ADAMTS6: variants seen among roughly 807,000 people sequenced by gnomAD.
ADAMTS6 encodes the protein A disintegrin and metalloproteinase with thrombospondin motifs 6.
A neutral mutation model predicts 144.3 loss-of-function variants in ADAMTS6; 23 were observed. That is an observed-to-expected ratio of 0.16 (90% CI 0.11 to 0.23). The LOEUF (loss-of-function observed/expected upper bound fraction) is 0.23. Among genes scored for constraint, ADAMTS6 ranks in the 10% least tolerant of loss-of-function variants. ADAMTS6 has a pLI of 1.00. For missense variants in ADAMTS6, 999 were observed against 1,379.6 expected (o/e 0.72, Z 4.37); for synonymous variants, 444 against 457.5 (o/e 0.97, Z 0.38).
Position 65,381,465 on chromosome 5 carries a change from C to T in ADAMTS6, c.1074-47380G>A, listed in dbSNP as rs375022513. On this transcript the variant is annotated intron_variant, in intron 7 of 24. Transcript: ENST00000381055. ...GCAACCTCCACCTCTTGGGTTCAAGCGATTCTCCTGTCTCAGCCTCCAGAG... is the reference window on the plus strand; with the variant it reads ...GCAACCTCCACCTCTTGGGTTCAAGTGATTCTCCTGTCTCAGCCTCCAGAG... 1.1e-4 allele frequency among the ~76,000 whole-genome samples: 16 copies of T among 149,302 alleles called. 1 individual carries two copies. The East Asian group carries it at 1.2e-3, about 11-fold the overall frequency.
intron 10 of ADAMTS6, among the ~76,000 whole-genome samples, chr5:65,298,787 A>C (rs1743097506): frequency 6.6e-6 from 1 of 152,034 alleles, no homozygotes. Context: ...TTATCTTTTG[A>C]TTTGTTTTTT....
At position 65,473,594 on chromosome 5, in the gene ADAMTS6, A is replaced by G. The variant is rs1561576863; in HGVS notation, c.80T>C (p.Leu27Pro). 2 of 1,613,648 alleles carry G rather than the reference A, an allele frequency of 1.2e-6. No homozygotes were observed. Among genetic ancestry groups the G allele is most frequent in the Non-Finnish European group, 1.7e-6 (2 of 1,179,600 alleles). ...AATCCTACCTTGAGAACTGTATGAA[A>G]GCCTGTGGTCACTATGAAATTCCGA... is the stretch of plus-strand genomic sequence containing the variant. Reference protein sequence around the residue: ...ASSEFHSDHRLSYSSQEEFLT... With the variant: ...ASSEFHSDHRPSYSSQEEFLT... Residue 27 changes from leucine to proline, a missense_variant, in exon 2 of 25, where the codon CTT becomes CCT. Coordinates refer to ENST00000381055, the MANE Select transcript of ADAMTS6 (RefSeq NM_197941.4).
chr5:65,381,332 C>A lies in ADAMTS6; in HGVS notation c.1074-47247G>T, dbSNP rs754632138. Among the ~76,000 whole-genome samples, 54 of 150,716 alleles carry A rather than the reference C, an allele frequency of 3.6e-4. No homozygotes were observed. The Middle Eastern group carries it at 0.014, about 39-fold the overall frequency. On this transcript the variant is annotated intron_variant, in intron 7 of 24. Transcript: ENST00000381055. The stretch of plus-strand genomic sequence containing the variant: ...AATTTGGCTATAAGCTTCTAGGTAA[C>A]CAAAGCAAAATGGAAACTATGAAGG...
chr5:65,453,495 G>A (rs1561555884), intron 4 of ADAMTS6, among the ~76,000 whole-genome samples: 1 of 152,304 alleles, frequency 6.6e-6, no homozygotes, highest in African/African-American at 2.4e-5. Flanking sequence ...TATTCTGACA[G>A]AGTACTCAAA....
intron 7 of ADAMTS6, among the ~76,000 whole-genome samples, chr5:65,368,570 C>G (rs1453268511): frequency 6.6e-6 from 1 of 152,126 alleles, no homozygotes; most frequent in African/African-American, 2.4e-5. Flanking sequence ...TTCTTCCTGC[C>G]TGGAAGGTAG....
At chr5:65,403,191 TTCTA>T (rs1754090793) in intron 7 of ADAMTS6, among the ~76,000 whole-genome samples, 1 of 151,868 alleles carries the variant, frequency 6.6e-6, no homozygotes, top group African/African-American at 2.4e-5. Flanking sequence ...GTGATTCTCT[TTCTA>T]TCTAACTAGC....
chr5:65,169,891 A>AG (rs58328094), intron 24 of ADAMTS6, among the ~76,000 whole-genome samples: 14 of 82,134 alleles, frequency 1.7e-4, no homozygotes, highest in African/African-American at 6.1e-4. Context: ...TGTGGTGGGG[A>AG]GGGGGGAGGG....
intron 7 of ADAMTS6, among the ~76,000 whole-genome samples, chr5:65,335,481 C>T (rs1561437669): frequency 6.6e-6 from 1 of 152,136 alleles, no homozygotes; most frequent in African/African-American, 2.4e-5. Flanking sequence ...ATAGCCACAA[C>T]CTTTTCTAGC....
At chr5:65,405,950 C>G (rs1454308975) in intron 7 of ADAMTS6, among the ~76,000 whole-genome samples, 1 of 152,090 alleles carries the variant, frequency 6.6e-6, no homozygotes, top group African/African-American at 2.4e-5. Flanking sequence ...CTGTGTTAGT[C>G]TGTTATTGGT....
In ADAMTS6 at chr5:65,460,317, C is replaced by T; in HGVS notation, c.484G>A (p.Asp162Asn). The T allele has an allele frequency of 6.2e-7, 1 of 1,612,376 alleles. No individual in the cohort carries two copies. ...AAAGGTTCGATAAAATACTCTTCAT[C>T]TTCTGTAGCAATAACACCATGCTAA... ...VGLHGVIATE[D>N]EEYFIEPLKN... Residue 162 changes from aspartate (D) to asparagine (N), a missense_variant, in exon 4 of 25, where the codon GAT becomes AAT. Asp to Asn is a conservative substitution (Grantham distance 23). Coordinates refer to ENST00000381055, the MANE Select transcript of ADAMTS6 (RefSeq NM_197941.4).
At chr5:65,277,561 C>T (rs779347023) in intron 11 of ADAMTS6, among the ~76,000 whole-genome samples, 16 of 150,064 alleles carry the variant, frequency 1.1e-4, no homozygotes, top group Non-Finnish European at 1.9e-4. Context: ...CAAGACTGGA[C>T]AGTTTTTTTT....
chr5:65,178,088 A>G (rs914749261), intron 22 of ADAMTS6, among the ~76,000 whole-genome samples: 2 of 152,150 alleles, frequency 1.3e-5, no homozygotes, highest in Admixed American at 1.3e-4. Context: ...AATTGTCAAG[A>G]GCTTATCAAT....
chr5:65,393,202 T>C (rs1753065388), intron 7 of ADAMTS6, among the ~76,000 whole-genome samples: 1 of 152,202 alleles, frequency 6.6e-6, no homozygotes, highest in Non-Finnish European at 1.5e-5. Context: ...ATATTACATG[T>C]ATTGGACATA....
chr5:65,473,344 CAAGA>C (rs1760608825), intron 2 of ADAMTS6, among the ~76,000 whole-genome samples: 1 of 151,908 alleles, frequency 6.6e-6, no homozygotes, highest in African/African-American at 2.4e-5. Flanking sequence ...TATCATTTTC[CAAGA>C]AAGACCAGTC....
At chr5:65,291,572 T>C in intron 10 of ADAMTS6, 102 bp from the exon 11 acceptor site, 1 of 1,212,320 alleles carries the variant, frequency 8.2e-7, no homozygotes, top group African/African-American at 1.5e-5. Flanking sequence ...ACTTGACGCA[T>C]GAAAAACAAT....
chr5:65,461,504 A>G (rs1485730444), intron 3 of ADAMTS6, among the ~76,000 whole-genome samples: 1 of 152,240 alleles, frequency 6.6e-6, no homozygotes, highest in Admixed American at 6.5e-5. Flanking sequence ...ACCTTTGTCT[A>G]ATAGTGTTTT....
rs937383001 is a variant in ADAMTS6 at position 65,149,544 on chromosome 5, A to G, written c.*2292T>C. 6.6e-6 allele frequency: 1 copy of G among 152,524 alleles called. No individual in the cohort carries two copies. Among genetic ancestry groups the G allele is most frequent in the South Asian group, 2.1e-4 (1 of 4,836 alleles). The allele number at this position is 152,524 out of a possible 1,614,324, so 9.4% of individuals were successfully genotyped here. A position where few individuals can be genotyped will look rare whatever the true frequency, so the allele number is the denominator to read the frequency against. On this transcript the variant is annotated 3_prime_UTR_variant, in exon 25 of 25. Transcript: ENST00000381055. ...CTGCCCTCCTCTTCCAGCATCAGCC[A>G]AGGTGCTGTGCAGTGCCTGGGGGAT...
chr5:65,152,416 G>A (rs1752187045), intron 24 of ADAMTS6, among the ~76,000 whole-genome samples: 1 of 152,158 alleles, frequency 6.6e-6, no homozygotes. Context: ...GCATCTGTGA[G>A]GCGTGGGGAT....
chr5:65,300,181 C>G, intron 9 of ADAMTS6, 50 bp from the exon 10 acceptor site: 1 of 1,551,302 alleles, frequency 6.4e-7, no homozygotes, highest in Non-Finnish European at 8.8e-7. Flanking sequence ...AAAAAAACCC[C>G]AACACATCCC....
Sources: allele counts gnomAD v4.1 joint callset (sites outside exome capture counted in the v4.1 genomes callset), GRCh38; gene constraint gnomAD v4.1.1; transcripts MANE v1.5; gene names NCBI Gene and HGNC (gene_info 2026-07-23, HGNC 2026-07-21).